IL1RAPL2: variants seen among roughly 807,000 people sequenced by gnomAD.
IL1RAPL2 encodes X-linked interleukin-1 receptor accessory protein-like 2.
A neutral mutation model predicts 44.1 loss-of-function variants in IL1RAPL2; 3 were observed. The observed-to-expected ratio is 0.07, with a 90% CI of 0.03 to 0.18. IL1RAPL2 has a LOEUF of 0.18. IL1RAPL2 is among the 10% of genes least tolerant of loss of function. IL1RAPL2 has a pLI of 1.00. For synonymous variants in IL1RAPL2, 181 were observed against 178.8 expected (o/e 1.01, Z -0.10); for missense variants, 391 against 496.4 (o/e 0.79, Z 2.02).
chrX:105,765,725 C>T (rs2038724279), intron 10 of IL1RAPL2, among the ~76,000 whole-genome samples: 1 of 112,766 alleles, frequency 8.9e-6, no homozygotes, highest in Admixed American at 9.4e-5. Flanking sequence ...GAAAATAAAA[C>T]CTTAGAAAAG....
chrX:105,673,041 C>T (rs1308348862), intron 6 of IL1RAPL2, among the ~76,000 whole-genome samples: 1 of 111,271 alleles, frequency 9.0e-6, no homozygotes, highest in Admixed American at 9.6e-5. Context: ...CTTCTTCTCC[C>T]TGTTTTTCAG....
chrX:104,869,946 A>G (rs1922717724), intron 2 of IL1RAPL2, among the ~76,000 whole-genome samples: 1 of 111,720 alleles, frequency 9.0e-6, no homozygotes, highest in Non-Finnish European at 1.9e-5. Context: ...TGTGACTACT[A>G]TTTTTTATTT....
intron 6 of IL1RAPL2, among the ~76,000 whole-genome samples, chrX:105,689,226 T>A (rs912555723): frequency 5.4e-5 from 6 of 111,245 alleles, no homozygotes; most frequent in Non-Finnish European, 1.1e-4. Flanking sequence ...ACAAATGGGA[T>A]CTAATTAAAC....
chrX:104,835,901 T>C (rs1921730586), intron 2 of IL1RAPL2, among the ~76,000 whole-genome samples: 1 of 111,729 alleles, frequency 9.0e-6, no homozygotes, highest in African/African-American at 3.2e-5. Context: ...GTTGCAGTCA[T>C]GCTTGGCCTG....
intron 2 of IL1RAPL2, among the ~76,000 whole-genome samples, chrX:104,834,295 G>A (rs765592755): frequency 8.9e-6 from 1 of 111,933 alleles, no homozygotes; most frequent in East Asian, 2.8e-4. Context: ...GATTGAATGA[G>A]GACTCCCATG....
chrX:104,867,236 CAAAAAAAA>C (rs35810207), intron 2 of IL1RAPL2, among the ~76,000 whole-genome samples: 1 of 43,814 alleles, frequency 2.3e-5, no homozygotes, highest in Non-Finnish European at 4.0e-5. Flanking sequence ...GTCTCTGTCT[CAAAAAAAA>C]AAAAAAAAAA....
intron 2 of IL1RAPL2, among the ~76,000 whole-genome samples, chrX:105,053,037 C>T (rs778898071): frequency 9.0e-6 from 1 of 110,502 alleles, no homozygotes; most frequent in East Asian, 2.9e-4. Flanking sequence ...GTTGGAAATG[C>T]AGAAATCACC....
chrX:104,684,346 G>T (rs1265841177), intron 2 of IL1RAPL2, among the ~76,000 whole-genome samples: 1 of 111,818 alleles, frequency 8.9e-6, no homozygotes, highest in Non-Finnish European at 1.9e-5. Flanking sequence ...CAGCGTCACA[G>T]ATGAGGAGCC....
At chrX:105,490,448 A>G (rs971317502) in intron 6 of IL1RAPL2, among the ~76,000 whole-genome samples, 42 of 111,887 alleles carry the variant, frequency 3.8e-4, no homozygotes, top group African/African-American at 1.1e-3. Flanking sequence ...GTTATATGCT[A>G]TTGGCTCAAA....
chrX:104,761,722 C>T (rs1214594029), intron 2 of IL1RAPL2, among the ~76,000 whole-genome samples: 1 of 111,072 alleles, frequency 9.0e-6, no homozygotes, highest in Non-Finnish European at 1.9e-5. Flanking sequence ...TATACCCATT[C>T]CAAATGGGAG....
chrX:104,666,180 G>A (rs1463942116), intron 2 of IL1RAPL2, among the ~76,000 whole-genome samples: 1 of 110,764 alleles, frequency 9.0e-6, no homozygotes, highest in Non-Finnish European at 1.9e-5. Context: ...GAAAATCTCT[G>A]CCTATTCCAT....
At chrX:105,382,598 G>T (rs1178899971) in intron 5 of IL1RAPL2, among the ~76,000 whole-genome samples, 2 of 103,874 alleles carry the variant, frequency 1.9e-5, no homozygotes, top group African/African-American at 7.6e-5. Flanking sequence ...AATACCATTT[G>T]ACCCAGCCAT....
intron 2 of IL1RAPL2, among the ~76,000 whole-genome samples, chrX:105,035,335 C>T (rs969902212): frequency 8.9e-6 from 1 of 112,060 alleles, no homozygotes; most frequent in Admixed American, 9.5e-5. Flanking sequence ...CTGTGTCACT[C>T]ACGCTAGGAG....
At chrX:104,751,998 T>G (rs1289398585) in intron 2 of IL1RAPL2, among the ~76,000 whole-genome samples, 20 of 111,312 alleles carry the variant, frequency 1.8e-4, no homozygotes. Context: ...TCTCTCTTTC[T>G]GAGTAATACA....
At chrX:105,507,353 A>G (rs1183595820) in intron 6 of IL1RAPL2, among the ~76,000 whole-genome samples, 1 of 111,923 alleles carries the variant, frequency 8.9e-6, no homozygotes. Context: ...GAACTGTGGA[A>G]AAGAGGTGGC....
chrX:105,450,390 G>T (rs1371215396), intron 5 of IL1RAPL2, among the ~76,000 whole-genome samples: 1 of 112,051 alleles, frequency 8.9e-6, no homozygotes, highest in Non-Finnish European at 1.9e-5. Context: ...TGTGCAGATA[G>T]TAGTTAAAAT....
At chrX:104,588,738 T>C (rs899156516) in intron 1 of IL1RAPL2, among the ~76,000 whole-genome samples, 4 of 112,095 alleles carry the variant, frequency 3.6e-5, no homozygotes, top group Non-Finnish European at 5.6e-5. Flanking sequence ...GATCTCTATA[T>C]TTCTTAAGTC....
chrX:104,893,045 G>A (rs919440891), intron 2 of IL1RAPL2, among the ~76,000 whole-genome samples: 35 of 111,585 alleles, frequency 3.1e-4, no homozygotes, highest in Non-Finnish European at 4.1e-4. Flanking sequence ...ATTTCGTTAC[G>A]TACCCAGTAG....
At chrX:105,092,455 C>T (rs760692213) in intron 2 of IL1RAPL2, among the ~76,000 whole-genome samples, 35 of 111,521 alleles carry the variant, frequency 3.1e-4, no homozygotes, top group South Asian at 2.7e-3. Flanking sequence ...ACATGTTACT[C>T]TCCTGGCATC....
Sources: allele counts gnomAD v4.1 joint callset (sites outside exome capture counted in the v4.1 genomes callset), GRCh38; gene constraint gnomAD v4.1.1; transcripts MANE v1.5; gene names NCBI Gene and HGNC (gene_info 2026-07-23, HGNC 2026-07-21).